CSMD1: variants seen among roughly 807,000 people sequenced by gnomAD.
The protein encoded by CSMD1 is CUB and sushi domain-containing protein 1.
CSMD1 carries 213 observed loss-of-function variants against 417.5 expected under a neutral mutation model. The observed-to-expected ratio is 0.51, with a 90% CI of 0.46 to 0.57. CSMD1 has a LOEUF of 0.57. Among genes scored for constraint, CSMD1 ranks in the 20% least tolerant of loss-of-function variants. The pLI is 0.00. For missense variants in CSMD1, 6,923 were observed against 4,529.7 expected, an observed-to-expected ratio of 1.53 and a Z score of -15.17; for synonymous variants, 2,862 against 1,736.8, an observed-to-expected ratio of 1.65 and a Z score of -16.11.
intron 5 of CSMD1, among the ~76,000 whole-genome samples, chr8:3,966,638 G>A (rs193110091): frequency 2.0e-5 from 3 of 151,954 alleles, no homozygotes; most frequent in Admixed American, 1.3e-4. Flanking sequence ...TAGCCTGCAA[G>A]GTCTTTGAGG....
intron 3 of CSMD1, among the ~76,000 whole-genome samples, chr8:4,294,732 T>C (rs1797567564): frequency 6.6e-6 from 1 of 152,160 alleles, no homozygotes; most frequent in Admixed American, 6.6e-5. Flanking sequence ...TCTATTTTTT[T>C]CTTACTGTAA....
chr8:3,521,173 G>A (rs1797493442), intron 10 of CSMD1, among the ~76,000 whole-genome samples: 2 of 152,050 alleles, frequency 1.3e-5, no homozygotes, highest in African/African-American at 4.8e-5. Flanking sequence ...ATTAAAACAG[G>A]TTAACTCTAT....
chr8:3,166,921 A>C (rs1820256847), intron 37 of CSMD1, among the ~76,000 whole-genome samples: 1 of 152,236 alleles, frequency 6.6e-6, no homozygotes, highest in Non-Finnish European at 1.5e-5. Context: ...CTTCTTTCAA[A>C]TCACAGCATA....
rs57651952 is a variant in CSMD1, at chr8:3,499,590, G to C, written c.1345-5864C>G. 2.7e-3 allele frequency among the ~76,000 whole-genome samples: 405 copies of C among 152,160 alleles called. 5 individuals carry two copies. Among genetic ancestry groups the C allele is most frequent in the African/African-American group, 8.1e-3 (336 of 41,512 alleles). Reference sequence around the variant, plus strand: ...CATATATCCAGGGTGCTTGTTGGTAGTGTGCCTCAAGAATTCAGCTCTCAG... The same window carrying C: ...CATATATCCAGGGTGCTTGTTGGTACTGTGCCTCAAGAATTCAGCTCTCAG... On this transcript the variant is annotated intron_variant, in intron 10 of 69. Coordinates refer to ENST00000635120, the MANE Select transcript of CSMD1 (RefSeq NM_033225.6).
chr8:3,932,016 A>C (rs1563224736), intron 5 of CSMD1, among the ~76,000 whole-genome samples: 1 of 146,120 alleles, frequency 6.8e-6, no homozygotes, highest in Admixed American at 6.7e-5. Flanking sequence ...AGGAGAAAAC[A>C]ATAATTTTGT....
intron 2 of CSMD1, among the ~76,000 whole-genome samples, 188 bp from the exon 3 acceptor site, chr8:4,420,253 A>T (rs1218355680): frequency 2.0e-5 from 3 of 152,194 alleles, no homozygotes; most frequent in Admixed American, 1.3e-4. Context: ...TTCAAGTATG[A>T]GAATATGTTT....
intron 1 of CSMD1, among the ~76,000 whole-genome samples, chr8:4,851,482 T>G (rs1006583220): frequency 6.6e-6 from 1 of 152,138 alleles, no homozygotes. Flanking sequence ...TTTTGATATT[T>G]GAGTATTTCA....
At chr8:3,486,021 C>G (rs1389366662) in intron 11 of CSMD1, among the ~76,000 whole-genome samples, 2 of 152,000 alleles carry the variant, frequency 1.3e-5, no homozygotes, top group Non-Finnish European at 2.9e-5. Flanking sequence ...ACTATCGATT[C>G]GAGTTCTCCT....
In CSMD1 at chr8:3,630,611, G is replaced by T. The variant is rs1482212; in HGVS notation, c.1010-13814C>A. On this transcript the variant is annotated intron_variant, in intron 7 of 69. Transcript: ENST00000635120. ...CATTCAGACAGAAGGGTGAAGTGTT[G>T]GGCTGGCATGCTGAGTGAGGGTTGA... Among the ~76,000 whole-genome samples the T allele has an allele frequency of 6.1e-3, 925 of 152,116 alleles. 4 individuals are homozygous for T. The highest frequency in any genetic ancestry group is 0.022 in the African/African-American group (894 of 41,496).
At chr8:4,633,943 T>C (rs1268657760) in intron 2 of CSMD1, among the ~76,000 whole-genome samples, 1 of 150,560 alleles carries the variant, frequency 6.6e-6, no homozygotes, top group African/African-American at 2.5e-5. Context: ...CAAGAGGAAA[T>C]GCAGAGTCAA....
intron 3 of CSMD1, among the ~76,000 whole-genome samples, chr8:4,151,185 C>A (rs1034639245): frequency 6.6e-6 from 1 of 152,154 alleles, no homozygotes; most frequent in Non-Finnish European, 1.5e-5. Context: ...CAGGCAAAAT[C>A]CTTTCTGTTA....
chr8:3,837,095 T>A (rs150646997), intron 5 of CSMD1, among the ~76,000 whole-genome samples: 20 of 151,930 alleles, frequency 1.3e-4, no homozygotes, highest in Admixed American at 1.3e-3. Flanking sequence ...AACGCTACCA[T>A]TGAGTAGATT....
chr8:4,016,291 T>TTCATA, intron 4 of CSMD1, among the ~76,000 whole-genome samples: 1 of 152,148 alleles, frequency 6.6e-6, no homozygotes, highest in South Asian at 2.1e-4. Context: ...TTCCAGTAGA[T>TTCATA]GGAAATAGAA....
intron 10 of CSMD1, among the ~76,000 whole-genome samples, chr8:3,512,059 G>C (rs981381083): frequency 1.3e-5 from 2 of 152,046 alleles, no homozygotes; most frequent in African/African-American, 2.4e-5. Context: ...TCCACTATGT[G>C]GCCCTAGAGA....
At chr8:4,199,964 G>T (rs772632826) in intron 3 of CSMD1, among the ~76,000 whole-genome samples, 7 of 152,246 alleles carry the variant, frequency 4.6e-5, no homozygotes, top group South Asian at 2.1e-4. Flanking sequence ...AAAAAGACCT[G>T]AATGAAATAA....
chr8:4,118,672 A>T (rs1802301883), intron 3 of CSMD1, among the ~76,000 whole-genome samples: 1 of 152,194 alleles, frequency 6.6e-6, no homozygotes. Context: ...ACCATTGTGG[A>T]AGACAGTGTG....
chr8:4,668,709 C>G (rs144770642), intron 1 of CSMD1, among the ~76,000 whole-genome samples: 3 of 152,000 alleles, frequency 2.0e-5, no homozygotes, highest in Admixed American at 2.0e-4. Flanking sequence ...GTCAGCCTCC[C>G]AAAAATAAAA....
chr8:3,545,593 T>C (rs974078004), intron 10 of CSMD1, among the ~76,000 whole-genome samples: 1 of 152,198 alleles, frequency 6.6e-6, no homozygotes, highest in Non-Finnish European at 1.5e-5. Context: ...AGGCTACTTA[T>C]CATGGGCTCT....
chr8:4,678,333 C>T (rs1293589551), intron 1 of CSMD1, among the ~76,000 whole-genome samples: 1 of 152,016 alleles, frequency 6.6e-6, no homozygotes, highest in Admixed American at 6.5e-5. Context: ...ATAACCTGAA[C>T]CCAAGAGGTG....
Sources: allele counts gnomAD v4.1 joint callset (sites outside exome capture counted in the v4.1 genomes callset), GRCh38; gene constraint gnomAD v4.1.1; transcripts MANE v1.5; gene names NCBI Gene and HGNC (gene_info 2026-07-23, HGNC 2026-07-21).